CSMD1: variants seen among roughly 807,000 people sequenced by gnomAD.
CSMD1 encodes the protein CUB and Sushi multiple domains 1.
Under a neutral mutation model 417.5 loss-of-function variants are expected in CSMD1, and 213 were observed. The observed-to-expected ratio is 0.51, with a 90% CI of 0.46 to 0.57. The LOEUF (loss-of-function observed/expected upper bound fraction) is 0.57. CSMD1 is among the 20% of genes least tolerant of loss of function. The pLI is 0.00. For missense variants in CSMD1, 6,923 were observed against 4,529.7 expected (o/e 1.53, Z -15.17); for synonymous variants, 2,862 against 1,736.8 (o/e 1.65, Z -16.11).
chr8:4,075,478 G>A (rs1318812507), intron 3 of CSMD1, among the ~76,000 whole-genome samples: 2 of 152,022 alleles, frequency 1.3e-5, no homozygotes, highest in African/African-American at 2.4e-5. Flanking sequence ...CTTGTTACAG[G>A]TAAAATAAAG....
At chr8:3,814,038 A>C (rs1259500500) in intron 5 of CSMD1, among the ~76,000 whole-genome samples, 2 of 152,222 alleles carry the variant, frequency 1.3e-5, no homozygotes, top group African/African-American at 2.4e-5. Flanking sequence ...CTGTCTTTAA[A>C]ATAAAGCTGA....
At chr8:4,693,842 A>T (rs1806941467) in intron 1 of CSMD1, among the ~76,000 whole-genome samples, 1 of 152,216 alleles carries the variant, frequency 6.6e-6, no homozygotes, top group African/African-American at 2.4e-5. Context: ...ATGCCTGGCC[A>T]GGTCCTATTC....
intron 3 of CSMD1, among the ~76,000 whole-genome samples, chr8:4,125,169 A>T (rs948007876): frequency 3.3e-5 from 5 of 152,118 alleles, no homozygotes; most frequent in African/African-American, 4.8e-5. Context: ...CAAAAGGAAG[A>T]TAACTCTTGG....
At chr8:4,597,325 C>T (rs1403968151) in intron 2 of CSMD1, among the ~76,000 whole-genome samples, 2 of 152,172 alleles carry the variant, frequency 1.3e-5, no homozygotes, top group East Asian at 3.9e-4. Flanking sequence ...ATAACCCTTT[C>T]AAATAAGCAG....
chr8:4,441,633 T>C (rs1798488735), intron 2 of CSMD1, among the ~76,000 whole-genome samples: 1 of 152,186 alleles, frequency 6.6e-6, no homozygotes, highest in South Asian at 2.1e-4. Context: ...CCTAGGTATT[T>C]AATTTTATTT....
At chr8:4,303,080 C>T (rs187440988) in intron 3 of CSMD1, among the ~76,000 whole-genome samples, 12 of 152,132 alleles carry the variant, frequency 7.9e-5, no homozygotes, top group African/African-American at 2.4e-4. Flanking sequence ...TGATTTTACA[C>T]AGACAATTTT....
intron 1 of CSMD1, among the ~76,000 whole-genome samples, chr8:4,945,137 A>G (rs1489875970): frequency 6.6e-6 from 1 of 152,208 alleles, no homozygotes; most frequent in Admixed American, 6.5e-5. Context: ...CAGCGTAATT[A>G]GCCACCCACA....
intron 49 of CSMD1, among the ~76,000 whole-genome samples, chr8:3,068,537 G>T (rs1471760862): frequency 6.6e-6 from 1 of 151,960 alleles, no homozygotes; most frequent in African/African-American, 2.4e-5. Context: ...CCTGAGACTG[G>T]GTAATTTATA....
chr8:4,481,668 A>G (rs1277061950), intron 2 of CSMD1, among the ~76,000 whole-genome samples: 1 of 152,188 alleles, frequency 6.6e-6, no homozygotes, highest in African/African-American at 2.4e-5. Context: ...GAGTCCACAG[A>G]CCTTGTAAAT....
chr8:2,971,063 T>C (rs891265313), intron 57 of CSMD1, among the ~76,000 whole-genome samples: 3 of 152,234 alleles, frequency 2.0e-5, no homozygotes, highest in African/African-American at 7.2e-5. Flanking sequence ...TAGAGTTAAA[T>C]ATATCAGTAT....
At chr8:4,496,083 T>A (rs1164268936) in intron 2 of CSMD1, among the ~76,000 whole-genome samples, 2 of 152,194 alleles carry the variant, frequency 1.3e-5, no homozygotes, top group Non-Finnish European at 2.9e-5. Flanking sequence ...ATGATGCCAA[T>A]CAAATTTTGG....
intron 1 of CSMD1, among the ~76,000 whole-genome samples, chr8:4,947,974 C>T (rs759466604): frequency 1.3e-5 from 2 of 151,854 alleles, no homozygotes; most frequent in African/African-American, 2.4e-5. Flanking sequence ...TTAAGATATC[C>T]ATAAAAAAAT....
chr8:2,982,853 T>C (rs1805539877), intron 54 of CSMD1, among the ~76,000 whole-genome samples: 1 of 152,134 alleles, frequency 6.6e-6, no homozygotes, highest in Non-Finnish European at 1.5e-5. Flanking sequence ...CTCCAGCTGT[T>C]GATCAATAGA....
In CSMD1 at chr8:4,052,469, A is replaced by G. The variant is rs77038147; in HGVS notation, c.416-20370T>C. On this transcript the variant is annotated intron_variant, in intron 3 of 69. Transcript: ENST00000635120. ...GGTGATTTTGCCCACTGCAAGATGG[A>G]TAATCTTTACCCAGGGTCAGAGTGC... Among the ~76,000 whole-genome samples, 806 of 152,300 alleles carry G rather than the reference A, an allele frequency of 5.3e-3. 23 individuals are homozygous for G. In the East Asian group the frequency reaches 0.088, roughly 17 times the overall value.
chr8:3,505,426 A>G (rs1796783322), intron 10 of CSMD1, among the ~76,000 whole-genome samples: 1 of 152,232 alleles, frequency 6.6e-6, no homozygotes, highest in Non-Finnish European at 1.5e-5. Flanking sequence ...CGCAGAATCA[A>G]TAATTAGAAA....
intron 6 of CSMD1, among the ~76,000 whole-genome samples, chr8:3,736,752 A>G (rs928178553): frequency 6.6e-6 from 1 of 152,154 alleles, no homozygotes; most frequent in Non-Finnish European, 1.5e-5. Flanking sequence ...TTTACCAATC[A>G]TTAGGTGTGT....
At position 3,909,077 on chromosome 8, in the gene CSMD1, T is replaced by A. The variant is rs1192840639; in HGVS notation, c.818+88826A>T. Among the ~76,000 whole-genome samples the A allele has an allele frequency of 2.0e-5, 3 of 152,176 alleles. No individual in the cohort carries two copies. In the East Asian group the frequency reaches 5.8e-4, roughly 29 times the overall value. On this transcript the variant is annotated intron_variant, in intron 5 of 69. Coordinates refer to ENST00000635120, the MANE Select transcript of CSMD1 (RefSeq NM_033225.6). ...AGCAGCTGAGAAGGCCTTTGGAGAA[T>A]TCTAGTGAACAAGTCCACTGGGCTG...
At chr8:4,437,956 A>G (rs1237448038) in intron 2 of CSMD1, among the ~76,000 whole-genome samples, 1 of 152,118 alleles carries the variant, frequency 6.6e-6, no homozygotes, top group Non-Finnish European at 1.5e-5. Flanking sequence ...AGTGTTTTCC[A>G]TGTATTTTCT....
chr8:3,998,777 G>C (rs185337273), intron 4 of CSMD1, among the ~76,000 whole-genome samples: 6 of 151,776 alleles, frequency 4.0e-5, no homozygotes, highest in East Asian at 1.9e-4. Context: ...AAAGGAAACA[G>C]ATCTTGGTAA....
Sources: allele counts gnomAD v4.1 joint callset (sites outside exome capture counted in the v4.1 genomes callset), GRCh38; gene constraint gnomAD v4.1.1; transcripts MANE v1.5; gene names NCBI Gene and HGNC (gene_info 2026-07-23, HGNC 2026-07-21).